TMTC3: variants seen among roughly 807,000 people sequenced by gnomAD.
TMTC3 encodes the protein protein O-mannosyl-transferase TMTC3.
A neutral mutation model predicts 92.2 loss-of-function variants in TMTC3; 52 were observed. The ratio of observed to expected loss-of-function variants is 0.56; its 90% CI spans 0.45 to 0.71. The LOEUF is 0.71. Ranked by LOEUF, TMTC3 falls within the 30% of genes least tolerant of loss-of-function variation. The pLI is 0.00. For synonymous variants in TMTC3, 339 were observed against 363.3 expected, an observed-to-expected ratio of 0.93 and a Z score of 0.76; for missense variants, 896 against 1,057.1, an observed-to-expected ratio of 0.85 and a Z score of 2.11.
chr12:88,153,744 TCAA>T (rs1346391585), intron 3 of TMTC3, among the ~76,000 whole-genome samples: 2 of 152,054 alleles, frequency 1.3e-5, no homozygotes, highest in Non-Finnish European at 2.9e-5. Flanking sequence ...CATTTTTCAT[TCAA>T]TAATATAAAA....
Position 88,166,426 on chromosome 12 carries a change from A to G in TMTC3, c.894A>G (p.Ser298=), listed in dbSNP as rs1348602077. The change falls in exon 7 of 14, where the codon TCA becomes TCG. Residue 298 remains serine (S), a synonymous_variant. Transcript: ENST00000266712. The part of the protein sequence containing the change: ...PVNAWLLLNP[S]ELCCDWTMGT... The stretch of plus-strand genomic sequence containing the variant: ...ATGCTTGGTTGTTATTAAATCCTTC[A>G]GAGCTCTGCTGTGATTGGACCATGG... 1.9e-6 allele frequency: 3 copies of G among 1,613,882 alleles called. No homozygotes were observed. In the African/African-American group the frequency reaches 4.0e-5, roughly 22 times the overall value.
At chr12:88,169,886 C>G (rs556455674) in intron 7 of TMTC3, among the ~76,000 whole-genome samples, 1 of 149,276 alleles carries the variant, frequency 6.7e-6, no homozygotes, top group South Asian at 2.1e-4. Context: ...ATGCAGTAGA[C>G]TATGATCATG....
intron 10 of TMTC3, among the ~76,000 whole-genome samples, chr12:88,184,135 C>T (rs932230651): frequency 1.3e-5 from 2 of 152,098 alleles, no homozygotes; most frequent in African/African-American, 2.4e-5. Context: ...CCGCATGGCT[C>T]AGCACCACCA....
chr12:88,160,356 C>A (rs1173654210), intron 5 of TMTC3, 127 bp downstream of exon 5: 2 of 588,184 alleles, frequency 3.4e-6, no homozygotes, highest in Non-Finnish European at 5.5e-6. Flanking sequence ...AATAATAATA[C>A]CAGAAATCAT....
At chr12:88,165,215 T>C (rs774294050) in intron 6 of TMTC3, among the ~76,000 whole-genome samples, 6 of 152,136 alleles carry the variant, frequency 3.9e-5, no homozygotes, top group Non-Finnish European at 7.4e-5. Context: ...ATAAATTCTA[T>C]TACCCTCTGA....
At chr12:88,142,934 A>G (rs1318509661) in intron 1 of TMTC3, among the ~76,000 whole-genome samples, 1 of 152,120 alleles carries the variant, frequency 6.6e-6, no homozygotes, top group African/African-American at 2.4e-5. Flanking sequence ...GAAGGGATCC[A>G]AGGACTCACC....
At chr12:88,156,815 T>G (rs79973190) in intron 4 of TMTC3, among the ~76,000 whole-genome samples, 292 of 150,758 alleles carry the variant, frequency 1.9e-3, no homozygotes, top group African/African-American at 6.7e-3. Context: ...GTGTGTGTTT[T>G]TTTTTTTTTT....
chr12:88,167,010 TG>T (rs1310724503), intron 7 of TMTC3, among the ~76,000 whole-genome samples: 105 of 126,606 alleles, frequency 8.3e-4, no homozygotes, highest in African/African-American at 2.6e-3. Context: ...TTTTTTTTTT[TG>T]GTGGTGGTTT....
At chr12:88,170,353 A>G (rs946339683) in intron 7 of TMTC3, among the ~76,000 whole-genome samples, 1 of 152,104 alleles carries the variant, frequency 6.6e-6, no homozygotes, top group African/African-American at 2.4e-5. Flanking sequence ...TTTTTTTTCA[A>G]TGAACTACAT....
chr12:88,192,545 G>A lies in TMTC3; in HGVS notation c.1707-59G>A, dbSNP rs1471580937. 5 of 1,346,968 alleles carry A rather than the reference G, an allele frequency of 3.7e-6. No homozygotes were observed. In the East Asian group the frequency reaches 9.4e-5, roughly 25 times the overall value. 83.4% of individuals were successfully genotyped at this position (1,346,968 alleles called of 1,614,324 possible). A position where few individuals can be genotyped will look rare whatever the true frequency, so the allele number is the denominator to read the frequency against. On this transcript the variant is annotated intron_variant, in intron 12 of 13. Transcript: ENST00000266712. ...AAAGGCTTAAAACTTGGCAAAAATTGTATCTACAAACTGAGATGGTAATGT... is the reference window on the plus strand; with the variant it reads ...AAAGGCTTAAAACTTGGCAAAAATTATATCTACAAACTGAGATGGTAATGT...
chr12:88,174,016 AT>A (rs2041232599), intron 8 of TMTC3, among the ~76,000 whole-genome samples: 1 of 152,164 alleles, frequency 6.6e-6, no homozygotes, highest in Admixed American at 6.5e-5. Flanking sequence ...CTCAGAGACT[AT>A]TAATACTAAA....
At chr12:88,191,692 T>C (rs906266352) in intron 12 of TMTC3, among the ~76,000 whole-genome samples, 1 of 150,950 alleles carries the variant, frequency 6.6e-6, no homozygotes, top group African/African-American at 2.5e-5. Flanking sequence ...CCTGTTCAGC[T>C]TTTTTTTAGT....
intron 10 of TMTC3, among the ~76,000 whole-genome samples, chr12:88,181,833 C>G (rs1222960227): frequency 6.6e-6 from 1 of 152,166 alleles, no homozygotes. Context: ...GCAGTTTCCA[C>G]CAAATAGCCA....
chr12:88,163,255 G>A (rs1217035921), intron 6 of TMTC3, among the ~76,000 whole-genome samples: 1 of 152,142 alleles, frequency 6.6e-6, no homozygotes, highest in Non-Finnish European at 1.5e-5. Context: ...GACCACAATA[G>A]CATTTAGGAT....
At chr12:88,175,520 T>A (rs1177613682) in intron 9 of TMTC3, among the ~76,000 whole-genome samples, 1 of 152,166 alleles carries the variant, frequency 6.6e-6, no homozygotes, top group African/African-American at 2.4e-5. Flanking sequence ...GAGTCTCTTC[T>A]TATACAACTC....
rs1363839362 is a variant in TMTC3 at position 88,198,382 on chromosome 12, G to GAATC, written c.*2735_*2738dup. 21 of 397,966 alleles carry GAATC rather than the reference G, an allele frequency of 5.3e-5. No individual in the cohort carries two copies. Among genetic ancestry groups the GAATC allele is most frequent in the African/African-American group, 4.3e-4 (21 of 48,602 alleles). 24.7% of individuals were successfully genotyped at this position (397,966 alleles called of 1,614,324 possible). On this transcript the variant is annotated 3_prime_UTR_variant, in exon 14 of 14. Transcript: ENST00000266712. ...TTTTAATTCTCACTGTCTCAAAAGA[G>GAATC]AATCAGCTCTCCAGCAGTTCTAGAA...
At chr12:88,168,028 C>G (rs1298399517) in intron 7 of TMTC3, among the ~76,000 whole-genome samples, 1 of 152,058 alleles carries the variant, frequency 6.6e-6, no homozygotes, top group Non-Finnish European at 1.5e-5. Flanking sequence ...CTTAATTCTC[C>G]CCAGAAAACA....
chr12:88,179,942 AAG>A (rs2041298741), intron 10 of TMTC3, among the ~76,000 whole-genome samples: 1 of 152,188 alleles, frequency 6.6e-6, no homozygotes, highest in African/African-American at 2.4e-5. Context: ...GGCTCTGGAT[AAG>A]AGAATCTGGC....
intron 12 of TMTC3, 52 bp from the exon 13 acceptor site, chr12:88,192,552 C>T (rs2041456053): frequency 4.9e-6 from 7 of 1,422,274 alleles, no homozygotes; most frequent in Middle Eastern, 2.1e-4. Flanking sequence ...ATTGTATCTA[C>T]AAACTGAGAT....
Sources: allele counts gnomAD v4.1 joint callset (sites outside exome capture counted in the v4.1 genomes callset), GRCh38; gene constraint gnomAD v4.1.1; transcripts MANE v1.5; gene names NCBI Gene and HGNC (gene_info 2026-07-23, HGNC 2026-07-21).